ADCY1: variants seen among roughly 807,000 people sequenced by gnomAD.
ADCY1 encodes adenylate cyclase 1, also known as adenylate cyclase type 1.
Under a neutral mutation model 105.4 loss-of-function variants are expected in ADCY1, and 28 were observed. The observed-to-expected ratio is 0.27, with a 90% CI of 0.20 to 0.36. The LOEUF is 0.36. ADCY1 is among the 10% of genes least tolerant of loss of function. The pLI, the probability that ADCY1 is intolerant of heterozygous loss-of-function variation, is 1.00. For missense variants in ADCY1, 977 were observed against 1,434.2 expected (o/e 0.68, Z 5.15); for synonymous variants, 655 against 623.8 (o/e 1.05, Z -0.75).
At chr7:45,631,894 A>G (rs1227114554) in intron 4 of ADCY1, among the ~76,000 whole-genome samples, 1 of 152,236 alleles carries the variant, frequency 6.6e-6, no homozygotes, top group African/African-American at 2.4e-5. Flanking sequence ...GCCTAACCAA[A>G]GTCAGATTTT....
chr7:45,587,759 T>A (rs1411034981), intron 1 of ADCY1, among the ~76,000 whole-genome samples: 1 of 152,044 alleles, frequency 6.6e-6, no homozygotes, highest in African/African-American at 2.4e-5. Flanking sequence ...TTTCTCATGG[T>A]TAGACTGGGG....
chr7:45,630,942 A>G (rs1659676732), intron 4 of ADCY1, among the ~76,000 whole-genome samples: 1 of 152,184 alleles, frequency 6.6e-6, no homozygotes, highest in Non-Finnish European at 1.5e-5. Context: ...GAGAGCAGCC[A>G]TCCAAAATCT....
intron 14 of ADCY1, among the ~76,000 whole-genome samples, chr7:45,696,337 G>C (rs1784880663): frequency 6.7e-6 from 1 of 149,156 alleles, no homozygotes; most frequent in Admixed American, 6.8e-5. Flanking sequence ...TCCTCGGGAA[G>C]CTGAGGCAGG....
chr7:45,623,825 G>A (rs1793974982), intron 4 of ADCY1, among the ~76,000 whole-genome samples: 1 of 152,126 alleles, frequency 6.6e-6, no homozygotes, highest in African/African-American at 2.4e-5. Flanking sequence ...AGGGAGTCCG[G>A]TGTCAGGAGA....
chr7:45,703,512 C>T lies in ADCY1; in HGVS notation c.2571+20C>T. The T allele has an allele frequency of 6.2e-7, 1 of 1,613,990 alleles. No homozygotes were observed. The highest frequency in any genetic ancestry group is 8.5e-7 in the Non-Finnish European group (1 of 1,179,916). On this transcript the variant is annotated intron_variant, in intron 15 of 19. Coordinates refer to ENST00000297323, the MANE Select transcript of ADCY1 (RefSeq NM_021116.4). The surrounding 1 kb of genome is among the most constrained non-coding windows in gnomAD (Gnocchi z 5.9). Reference sequence around the variant, plus strand: ...AACATGGTGAGCACCCAGCCTGCTCCTGGCCAGCACTAGCCCTACACTGCT... The same window carrying T: ...AACATGGTGAGCACCCAGCCTGCTCTTGGCCAGCACTAGCCCTACACTGCT...
At chr7:45,636,783 C>T (rs1041286547) in intron 4 of ADCY1, among the ~76,000 whole-genome samples, 13 of 152,234 alleles carry the variant, frequency 8.5e-5, no homozygotes, top group African/African-American at 2.2e-4. Context: ...TCAGGGAATC[C>T]GCCTGCCTCA....
chr7:45,666,259 A>G (rs1197534085), intron 8 of ADCY1, among the ~76,000 whole-genome samples: 2 of 152,120 alleles, frequency 1.3e-5, no homozygotes, highest in African/African-American at 4.8e-5. Flanking sequence ...TACATTAGGT[A>G]TATCTCCTAA....
chr7:45,703,527 C>G lies in ADCY1; in HGVS notation c.2571+35C>G, dbSNP rs1785041805. The G allele has an allele frequency of 6.2e-7, 1 of 1,613,446 alleles. No homozygotes were observed. Among genetic ancestry groups the G allele is most frequent in the Admixed American group, 1.7e-5 (1 of 59,976 alleles). ...CAGCCTGCTCCTGGCCAGCACTAGC[C>G]CTACACTGCTCTGGCCACCCCACTT... On this transcript the variant is annotated intron_variant, in intron 15 of 19. Transcript: ENST00000297323. The surrounding 1 kb of genome is among the most constrained non-coding windows in gnomAD (Gnocchi z 5.9).
At chr7:45,671,587 C>G (rs967314565) in intron 8 of ADCY1, among the ~76,000 whole-genome samples, 2 of 152,102 alleles carry the variant, frequency 1.3e-5, no homozygotes, top group African/African-American at 4.8e-5. Flanking sequence ...TTGGTGTTCT[C>G]TCTCTCTCTC....
At chr7:45,659,565 T>G (rs1795035143) in intron 6 of ADCY1, among the ~76,000 whole-genome samples, 1 of 152,136 alleles carries the variant, frequency 6.6e-6, no homozygotes, top group African/African-American at 2.4e-5. Flanking sequence ...ACCACCCTGC[T>G]TCCCACCCCA....
chr7:45,657,515 G>A (rs777090656), intron 5 of ADCY1, among the ~76,000 whole-genome samples: 1 of 152,242 alleles, frequency 6.6e-6, no homozygotes, highest in Non-Finnish European at 1.5e-5. Context: ...ATGGGCCAGA[G>A]CCACCCCTCC....
chr7:45,641,023 G>A (rs541464194), intron 4 of ADCY1, among the ~76,000 whole-genome samples: 6 of 152,242 alleles, frequency 3.9e-5, no homozygotes, highest in South Asian at 4.1e-4. Flanking sequence ...GCTTGTGTTA[G>A]TGAGGTCATT....
In ADCY1 at chr7:45,575,148, T is replaced by C; in HGVS notation, c.605T>C (p.Leu202Ser). 6.2e-7 allele frequency: 1 copy of C among 1,609,400 alleles called. No individual in the cohort carries two copies. Reference protein sequence around the residue: ...AASHLLVTATLVPAKRPRLWR... With the variant: ...AASHLLVTATSVPAKRPRLWR... ...TCGCACTTGCTGGTCACAGCCACCT[T>C]GGTCCCCGCCAAGCGCCCACGTCTC... Residue 202 changes from leucine (L) to serine (S), a missense_variant, in exon 1 of 20, where the codon TTG becomes TCG. Physicochemically the swap from Leu to Ser is moderately radical, Grantham distance 145. Around this residue, in one of 7 missense-constraint regions of ADCY1, gnomAD observed 196 missense variants for 347.8 expected, o/e 0.56. Coordinates refer to ENST00000297323, the MANE Select transcript of ADCY1 (RefSeq NM_021116.4). This position sits in a 1 kb window ranked among gnomAD's most constrained non-coding sequence, Gnocchi z 4.7.
chr7:45,702,018 A>AC (rs1304351376), intron 14 of ADCY1, among the ~76,000 whole-genome samples: 1 of 152,184 alleles, frequency 6.6e-6, no homozygotes, highest in African/African-American at 2.4e-5. Context: ...ACACACTTGC[A>AC]CCAGGCCTGC....
chr7:45,653,037 G>A (rs1453706987), intron 5 of ADCY1, among the ~76,000 whole-genome samples: 1 of 152,216 alleles, frequency 6.6e-6, no homozygotes, highest in Non-Finnish European at 1.5e-5. Context: ...TTTTGGAAAT[G>A]CCCGTTAATT....
At chr7:45,673,964 CATATATATATATATATATAT>C (rs58025464) in intron 8 of ADCY1, among the ~76,000 whole-genome samples, 1,457 of 115,026 alleles carry the variant, frequency 0.013, 22 homozygotes, top group Middle Eastern at 0.031. Context: ...TTCAGATGAG[CATATATATATATATATATAT>C]ATATATATAT....
rs953852997 is a variant in ADCY1, at chr7:45,596,562, G to A, written c.789+3654G>A. Among the ~76,000 whole-genome samples the A allele has an allele frequency of 3.3e-5, 5 of 152,286 alleles. No homozygotes were observed. In the East Asian group the frequency reaches 9.7e-4, roughly 29 times the overall value. On this transcript the variant is annotated intron_variant, in intron 2 of 19. Transcript: ENST00000297323. ...AACCCAGTCCTGAGAGGGATTCTGG[G>A]TCAATGCACCCTGGTCCTGGGAGCC...
chr7:45,689,821 G>A (rs374765851), intron 14 of ADCY1, among the ~76,000 whole-genome samples: 27 of 152,320 alleles, frequency 1.8e-4, no homozygotes, highest in African/African-American at 6.0e-4. Context: ...GTTTCTCTGG[G>A]CCTTGTGCGA....
chr7:45,689,936 C>CA (rs1286822418), intron 14 of ADCY1, among the ~76,000 whole-genome samples: 3 of 152,242 alleles, frequency 2.0e-5, no homozygotes, highest in Non-Finnish European at 4.4e-5. Flanking sequence ...TGAGAGGAGT[C>CA]AGAGTCCAAT....
Sources: gnomAD v4.1 joint callset for allele counts (sites outside exome capture counted in the v4.1 genomes callset) on GRCh38, gnomAD v4.1.1 for gene constraint, gnomAD v4.1.1 regional missense constraint, Gnocchi (gnomAD v3.1) non-coding constraint, MANE v1.5 for transcripts, NCBI Gene and HGNC (gene_info 2026-07-23, HGNC 2026-07-21) for gene names.